The following TANC1 variants were observed in gnomAD, a reference collection of about 807,000 sequenced individuals.
TANC1 encodes the protein tetratricopeptide repeat, ankyrin repeat and coiled-coil containing 1.
TANC1 carries 77 observed loss-of-function variants against 149.7 expected under a neutral mutation model. The ratio of observed to expected loss-of-function variants is 0.51; its 90% confidence interval spans 0.43 to 0.62. The LOEUF (loss-of-function observed/expected upper bound fraction) is 0.62, where lower values mean the gene tolerates loss of function less well. Among genes scored for constraint, TANC1 ranks in the 20% least tolerant of loss-of-function variants. The pLI is 0.00. For synonymous variants in TANC1, 854 were observed against 925.0 expected, an observed-to-expected ratio of 0.92 and a Z score of 1.39; for missense variants, 1,985 against 2,321.8, an observed-to-expected ratio of 0.85 and a Z score of 2.98.
chr2:159,231,301 T>G lies in TANC1; in HGVS notation c.*289T>G. ...ATGAAATTGTTTGGCTTTTGCCACTTTCTTCCTTGCCTTTGCTATATGGTA... is the reference window on the plus strand; with the variant it reads ...ATGAAATTGTTTGGCTTTTGCCACTGTCTTCCTTGCCTTTGCTATATGGTA... On this transcript the variant is annotated 3_prime_UTR_variant, in exon 27 of 27. Coordinates refer to ENST00000263635, the MANE Select transcript of TANC1 (RefSeq NM_033394.3). The G allele has an allele frequency of 3.3e-6, 1 of 304,552 alleles. No homozygotes were observed. The highest frequency in any genetic ancestry group is 5.9e-5 in the South Asian group (1 of 17,002). 18.9% of individuals were successfully genotyped at this position (304,552 alleles called of 1,614,324 possible).
At chr2:158,981,493 ATATATATATATATAT>A (rs1559096044) in intron 1 of TANC1, among the ~76,000 whole-genome samples, 5,004 of 48,536 alleles carry the variant, frequency 0.1, 307 homozygotes, top group Non-Finnish European at 0.12. Context: ...TATAGCTTTT[ATATATATATATATAT>A]ATATATATAT....
intron 2 of TANC1, among the ~76,000 whole-genome samples, chr2:159,042,396 C>T (rs770501804): frequency 5.9e-5 from 9 of 152,096 alleles, no homozygotes; most frequent in Non-Finnish European, 1.0e-4. Flanking sequence ...TTCTCCAGGA[C>T]GTGTAGCAGT....
chr2:159,119,245 T>C (rs2048604615), intron 4 of TANC1, among the ~76,000 whole-genome samples: 1 of 152,202 alleles, frequency 6.6e-6, no homozygotes, highest in Non-Finnish European at 1.5e-5. Flanking sequence ...TGAAGTCCAC[T>C]GTAATGTGTG....
chr2:159,117,719 TTTTTTTTTTTTTA>T (rs1381541761), intron 4 of TANC1, among the ~76,000 whole-genome samples: 13 of 126,486 alleles, frequency 1.0e-4, no homozygotes, highest in Non-Finnish European at 7.1e-5. Flanking sequence ...TTTTTTTTTT[TTTTTTTTTTTTTA>T]AAGCTTATTC....
intron 7 of TANC1, among the ~76,000 whole-genome samples, chr2:159,160,515 G>A (rs185923626): frequency 5.3e-5 from 8 of 152,296 alleles, no homozygotes; most frequent in South Asian, 2.1e-4. Flanking sequence ...TGGGGACTCC[G>A]GGGCTGCCAT....
intron 19 of TANC1, among the ~76,000 whole-genome samples, chr2:159,213,809 C>T (rs987182756): frequency 1.3e-5 from 2 of 152,064 alleles, no homozygotes; most frequent in South Asian, 2.1e-4. Context: ...CATGGTAATG[C>T]GCTGGGCCCC....
chr2:159,098,511 G>A (rs1325288776), intron 4 of TANC1, among the ~76,000 whole-genome samples: 1 of 152,162 alleles, frequency 6.6e-6, no homozygotes, highest in East Asian at 1.9e-4. Flanking sequence ...AAAGGTTATG[G>A]ATGTAGGCAA....
intron 4 of TANC1, among the ~76,000 whole-genome samples, chr2:159,113,817 T>G (rs1409180501): frequency 6.6e-6 from 1 of 152,218 alleles, no homozygotes; most frequent in Non-Finnish European, 1.5e-5. Flanking sequence ...GGCAGCATAG[T>G]GAGACTCCAG....
chr2:159,128,337 A>G (rs1159506996), intron 4 of TANC1, among the ~76,000 whole-genome samples: 1 of 152,198 alleles, frequency 6.6e-6, no homozygotes, highest in African/African-American at 2.4e-5. Context: ...CTTGTCCTTC[A>G]TCCATACCCT....
At chr2:159,068,228 A>G (rs890189659) in intron 3 of TANC1, among the ~76,000 whole-genome samples, 3 of 152,244 alleles carry the variant, frequency 2.0e-5, no homozygotes, top group African/African-American at 7.2e-5. Context: ...GCCAGTCCTC[A>G]TTATATAAGT....
intron 22 of TANC1, among the ~76,000 whole-genome samples, chr2:159,220,545 G>T (rs111980203): frequency 1.3e-5 from 2 of 150,328 alleles, no homozygotes; most frequent in South Asian, 4.2e-4. Context: ...CTCATGATCC[G>T]CCTGCCTCAG....
intron 16 of TANC1, among the ~76,000 whole-genome samples, chr2:159,191,668 T>G (rs990068270): frequency 1.3e-5 from 2 of 152,216 alleles, no homozygotes; most frequent in African/African-American, 4.8e-5. Flanking sequence ...AACCTGTCAC[T>G]ATGCCATTGT....
At chr2:159,131,963 A>G (rs1008665508) in intron 4 of TANC1, among the ~76,000 whole-genome samples, 29 of 152,356 alleles carry the variant, frequency 1.9e-4, no homozygotes, top group African/African-American at 7.0e-4. Flanking sequence ...GCCAGCGTCC[A>G]TGGATGTTGA....
At chr2:159,095,182 G>C (rs372853628) in intron 3 of TANC1, among the ~76,000 whole-genome samples, 2 of 151,950 alleles carry the variant, frequency 1.3e-5, no homozygotes, top group Admixed American at 6.6e-5. Flanking sequence ...TCCTGACCTC[G>C]TGATTCGCTT....
chr2:159,139,066 C>T (rs2051084237), intron 5 of TANC1, among the ~76,000 whole-genome samples: 1 of 152,038 alleles, frequency 6.6e-6, no homozygotes, highest in Non-Finnish European at 1.5e-5. Context: ...AAGCAAATAA[C>T]TTGTTTCTTA....
chr2:159,176,232 T>G (rs2055843212), intron 12 of TANC1, 120 bp from the exon 13 acceptor site: 2 of 537,782 alleles, frequency 3.7e-6, no homozygotes, highest in Non-Finnish European at 6.3e-6. Context: ...AACTGTTTCT[T>G]GTGCCATATG....
intron 1 of TANC1, among the ~76,000 whole-genome samples, chr2:158,983,772 G>A (rs1191913058): frequency 6.6e-6 from 1 of 152,150 alleles, no homozygotes; most frequent in African/African-American, 2.4e-5. Context: ...TAGAGAAGAG[G>A]ATGGTCAGTG....
intron 1 of TANC1, among the ~76,000 whole-genome samples, chr2:158,975,655 C>G (rs1265204186): frequency 6.6e-6 from 1 of 151,176 alleles, no homozygotes; most frequent in Non-Finnish European, 1.5e-5. Flanking sequence ...AGGCTCGTCT[C>G]GAACTCCTGG....
intron 1 of TANC1, among the ~76,000 whole-genome samples, chr2:158,993,817 T>C (rs1260924289): frequency 6.6e-6 from 1 of 152,228 alleles, no homozygotes; most frequent in Non-Finnish European, 1.5e-5. Context: ...TCCTGGTTTG[T>C]CTGAAGAGAA....
Sources: gnomAD v4.1 joint callset for allele counts (sites outside exome capture counted in the v4.1 genomes callset) on GRCh38, gnomAD v4.1.1 for gene constraint, MANE v1.5 for transcripts, NCBI Gene and HGNC (gene_info 2026-07-23, HGNC 2026-07-21) for gene names.